The following FASTKD1 variants were observed in gnomAD, a reference collection of about 807,000 sequenced individuals.
The protein encoded by FASTKD1 is FAST kinase domain-containing protein 1, mitochondrial.
In FASTKD1, 94 loss-of-function variants were observed where a neutral mutation model predicts 90.9. The observed-to-expected ratio is 1.03, with a 90% CI of 0.88 to 1.23. FASTKD1 has a LOEUF of 1.23. Among genes scored for constraint, FASTKD1 ranks in the 50% most tolerant of loss-of-function variants. The pLI is 0.00. For synonymous variants in FASTKD1, 319 were observed against 345.8 expected, an observed-to-expected ratio of 0.92 and a Z score of 0.86; for missense variants, 945 against 993.5, an observed-to-expected ratio of 0.95 and a Z score of 0.66.
rs569456855 is a variant in FASTKD1 at position 169,556,776 on chromosome 2, G to A, written c.1082+411C>T. Among the ~76,000 whole-genome samples, 33 of 152,284 alleles carry A rather than the reference G, an allele frequency of 2.2e-4. No individual in the cohort carries two copies. In the Middle Eastern group the frequency reaches 0.017, roughly 78 times the overall value. On this transcript the variant is annotated intron_variant, in intron 6 of 14. Transcript: ENST00000453153. Reference sequence around the variant, plus strand: ...TCTGGGGCAGAGGTTGCAGTGAGCCGAGATGGCACCACTGCACTCAAGCCT... The same window carrying A: ...TCTGGGGCAGAGGTTGCAGTGAGCCAAGATGGCACCACTGCACTCAAGCCT...
intron 10 of FASTKD1, 62 bp downstream of exon 10, chr2:169,539,989 G>A: frequency 9.4e-7 from 1 of 1,064,144 alleles, no homozygotes; most frequent in Non-Finnish European, 1.4e-6. Flanking sequence ...AGTATAGATA[G>A]ACCTGAGACT....
At chr2:169,533,792 A>G (rs1338770691) in intron 12 of FASTKD1, among the ~76,000 whole-genome samples, 2 of 152,222 alleles carry the variant, frequency 1.3e-5, no homozygotes, top group Non-Finnish European at 2.9e-5. Flanking sequence ...TATTCACAAC[A>G]TATAAAGTTA....
At chr2:169,534,742 T>C (rs908585438) in intron 12 of FASTKD1, among the ~76,000 whole-genome samples, 2 of 152,052 alleles carry the variant, frequency 1.3e-5, no homozygotes, top group Non-Finnish European at 2.9e-5. Context: ...TACAGGCGTG[T>C]GCCACTGCGC....
chr2:169,571,606 T>C, intron 2 of FASTKD1, 47 bp downstream of exon 2: 2 of 1,175,574 alleles, frequency 1.7e-6, no homozygotes, highest in Non-Finnish European at 2.3e-6. Flanking sequence ...AAAATTAAAA[T>C]GTAAACTATA....
intron 3 of FASTKD1, among the ~76,000 whole-genome samples, chr2:169,564,394 G>A (rs974571190): frequency 6.6e-6 from 1 of 151,824 alleles, no homozygotes; most frequent in Admixed American, 6.6e-5. Flanking sequence ...AGGCTCAAGT[G>A]ATCCTCCAAC....
intron 3 of FASTKD1, 121 bp from the exon 4 acceptor site, chr2:169,563,471 A>T: frequency 1.6e-6 from 1 of 639,364 alleles, no homozygotes; most frequent in South Asian, 4.4e-5. Context: ...TTTTTCTAAA[A>T]TGTTATTATT....
intron 12 of FASTKD1, 51 bp from the exon 13 acceptor site, chr2:169,531,541 T>C (rs1684492748): frequency 2.8e-6 from 4 of 1,436,880 alleles, no homozygotes; most frequent in Non-Finnish European, 3.8e-6. Context: ...GTCTTACAGA[T>C]AAAAGTTTAA....
intron 7 of FASTKD1, among the ~76,000 whole-genome samples, chr2:169,549,375 C>G (rs1221084343): frequency 6.6e-6 from 1 of 151,884 alleles, no homozygotes; most frequent in Non-Finnish European, 1.5e-5. Context: ...TGCACTCCAG[C>G]CTGGGCAACA....
At chr2:169,546,739 A>G (rs1685224744) in intron 7 of FASTKD1, 35 bp from the exon 8 acceptor site, 2 of 1,557,742 alleles carry the variant, frequency 1.3e-6, no homozygotes, top group Admixed American at 1.9e-5. Flanking sequence ...TACATCAGCA[A>G]CAAACCCAAA....
intron 7 of FASTKD1, among the ~76,000 whole-genome samples, chr2:169,554,065 A>G (rs1465955524): frequency 6.6e-6 from 1 of 151,004 alleles, no homozygotes; most frequent in Non-Finnish European, 1.5e-5. Flanking sequence ...TGATCATGCC[A>G]CTGCACTCCA....
In FASTKD1 at chr2:169,567,633, T is replaced by C. The variant is rs1684045564; in HGVS notation, c.446+1551A>G. Among the ~76,000 whole-genome samples the C allele has an allele frequency of 2.0e-5, 3 of 152,348 alleles. No homozygotes were observed. In the South Asian group the frequency reaches 6.2e-4, roughly 32 times the overall value. ...CAATATATAAGTATTTATTATAGTT[T>C]AAGCTTTAAGAGGCAATATGTTAAA... On this transcript the variant is annotated intron_variant, in intron 3 of 14. Coordinates refer to ENST00000453153, the MANE Select transcript of FASTKD1 (RefSeq NM_024622.6).
intron 7 of FASTKD1, among the ~76,000 whole-genome samples, chr2:169,554,696 T>G (rs1408454259): frequency 1.3e-5 from 2 of 151,884 alleles, no homozygotes; most frequent in South Asian, 2.1e-4. Context: ...AATAAAACAC[T>G]TTTTCCCCAA....
Position 169,563,256 on chromosome 2 carries a change from G to T in FASTKD1, c.541C>A (p.His181Asn). Residue 181 changes from histidine to asparagine, a missense_variant, in exon 4 of 15, where the codon CAT becomes AAT. Transcript: ENST00000453153. ...TCCTGTGTGGTTTCCAAGTTCCTATGAACAATATCAGCTATTTTTCCCATT... is the reference window on the plus strand; with the variant it reads ...TCCTGTGTGGTTTCCAAGTTCCTATTAACAATATCAGCTATTTTTCCCATT... The part of the protein sequence containing the change: ...PLMGKIADIV[H>N]RNLETTQDLS... The T allele has an allele frequency of 6.2e-7, 1 of 1,611,356 alleles. No individual in the cohort carries two copies. Among genetic ancestry groups the T allele is most frequent in the South Asian group, 1.1e-5 (1 of 90,868 alleles).
Position 169,537,236 on chromosome 2 carries a change from GGT to G in FASTKD1, c.2177_2178del (p.Tyr726SerfsTer6). The G allele has an allele frequency of 1.3e-6, 2 of 1,595,380 alleles. No individual in the cohort carries two copies. Among genetic ancestry groups the G allele is most frequent in the Non-Finnish European group, 1.7e-6 (2 of 1,163,774 alleles). On this transcript the variant is annotated frameshift_variant, in exon 12 of 15. Coordinates refer to ENST00000453153, the MANE Select transcript of FASTKD1 (RefSeq NM_024622.6). LOFTEE classifies it high-confidence loss of function. ...CVKASVLTPY[Y>X]HKVDFECILD... is the part of the protein sequence containing the mutation. ...CTACCCAATAACTTACCTACTTTGT[GGT>G]AATAAGGCGTAAGAACCGAGGCTTT...
At chr2:169,555,712 T>C (rs1377105541) in intron 6 of FASTKD1, among the ~76,000 whole-genome samples, 1 of 152,084 alleles carries the variant, frequency 6.6e-6, no homozygotes, top group Non-Finnish European at 1.5e-5. Flanking sequence ...GACAAAGAAA[T>C]ATTAAAATAA....
intron 7 of FASTKD1, among the ~76,000 whole-genome samples, chr2:169,548,873 TCACGAGGTCA>T (rs1459098985): frequency 6.6e-6 from 1 of 151,378 alleles, no homozygotes; most frequent in East Asian, 1.9e-4. Context: ...GGCGGGCAGA[TCACGAGGTCA>T]GGAGATCGAG....
In FASTKD1 at chr2:169,532,453, G is replaced by C. The variant is rs1684533328; in HGVS notation, c.2189-963C>G. Among the ~76,000 whole-genome samples the C allele has an allele frequency of 4.0e-5, 6 of 151,018 alleles. No homozygotes were observed. The South Asian group carries it at 1.3e-3, about 31-fold the overall frequency. ...AAAAGAAAAAGACAACCAGCCTTGTGTGCCTCCTGAGAGGATGCAGAAAGA... is the reference window on the plus strand; with the variant it reads ...AAAAGAAAAAGACAACCAGCCTTGTCTGCCTCCTGAGAGGATGCAGAAAGA... On this transcript the variant is annotated intron_variant, in intron 12 of 14. Coordinates refer to ENST00000453153, the MANE Select transcript of FASTKD1 (RefSeq NM_024622.6).
chr2:169,540,195 G>A lies in FASTKD1; in HGVS notation c.1817-16C>T. The A allele has an allele frequency of 1.3e-6, 2 of 1,524,520 alleles. No individual in the cohort carries two copies. 94.4% of individuals were successfully genotyped at this position (1,524,520 alleles called of 1,614,324 possible). On this transcript the variant is annotated splice_polypyrimidine_tract_variant and intron_variant, in intron 9 of 14. Transcript: ENST00000453153. ...TCCAATATACCTAAAAGAAAATTAAGATTTTTTTAAAGGTATAGCTGCCTC... is the reference window on the plus strand; with the variant it reads ...TCCAATATACCTAAAAGAAAATTAAAATTTTTTTAAAGGTATAGCTGCCTC...
At chr2:169,543,282 G>A (rs1423932216) in intron 9 of FASTKD1, among the ~76,000 whole-genome samples, 1 of 152,110 alleles carries the variant, frequency 6.6e-6, no homozygotes, top group East Asian at 1.9e-4. Context: ...TGACCAACAT[G>A]GAGAAACCCC....
Sources: allele counts gnomAD v4.1 joint callset (sites outside exome capture counted in the v4.1 genomes callset), GRCh38; gene constraint gnomAD v4.1.1; transcripts MANE v1.5; gene names NCBI Gene and HGNC (gene_info 2026-07-23, HGNC 2026-07-21).